The following HTT variants were observed in gnomAD, a reference collection of about 807,000 sequenced individuals.
HTT encodes huntingtin, also known as huntington disease protein.
In HTT, 104 loss-of-function variants were observed where a neutral mutation model predicts 362.3. That is an observed-to-expected ratio of 0.29 (90% confidence interval 0.24 to 0.34). The LOEUF (loss-of-function observed/expected upper bound fraction) is 0.34. HTT is among the 10% of genes least tolerant of loss of function. The pLI is 1.00. For synonymous variants in HTT, 1,577 were observed against 1,548.7 expected, an observed-to-expected ratio of 1.02 and a Z score of -0.43; for missense variants, 3,301 against 3,928.6, an observed-to-expected ratio of 0.84 and a Z score of 4.27.
Position 3,241,898 on chromosome 4 carries a change from A to G in HTT, c.*1839A>G, listed in dbSNP as rs1411576186. On this transcript the variant is annotated 3_prime_UTR_variant, in exon 67 of 67. Coordinates refer to ENST00000355072, the MANE Select transcript of HTT (RefSeq NM_001388492.1). Reference sequence around the variant, plus strand: ...GCGGTAGAAAGGGGTCCGATGTTTGAGGAGGCCCTTAAGGGAAGCTACTGA... The same window carrying G: ...GCGGTAGAAAGGGGTCCGATGTTTGGGGAGGCCCTTAAGGGAAGCTACTGA... 6.6e-6 allele frequency: 1 copy of G among 152,060 alleles called. No individual in the cohort carries two copies. The highest frequency in any genetic ancestry group is 1.5e-5 in the Non-Finnish European group (1 of 68,018). 9.4% of individuals were successfully genotyped at this position (152,060 alleles called of 1,614,324 possible).
intron 64 of HTT, among the ~76,000 whole-genome samples, chr4:3,236,526 G>A (rs908736330): frequency 7.9e-5 from 12 of 152,126 alleles, no homozygotes; most frequent in Middle Eastern, 3.2e-3. Flanking sequence ...ACAGTACCTG[G>A]CAGTTGGGGG....
At chr4:3,190,985 T>G (rs1031604698) in intron 40 of HTT, among the ~76,000 whole-genome samples, 1 of 152,198 alleles carries the variant, frequency 6.6e-6, no homozygotes, top group Admixed American at 6.5e-5. Flanking sequence ...AAAATGTGGC[T>G]TGATTGTTCA....
At chr4:3,196,545 C>T (rs1719265437) in intron 40 of HTT, among the ~76,000 whole-genome samples, 1 of 152,118 alleles carries the variant, frequency 6.6e-6, no homozygotes, top group African/African-American at 2.4e-5. Flanking sequence ...TGAGATTAGC[C>T]TGAGCAACAT....
At chr4:3,217,572 C>T (rs1720472307) in intron 51 of HTT, among the ~76,000 whole-genome samples, 193 bp from the exon 52 acceptor site, 1 of 152,212 alleles carries the variant, frequency 6.6e-6, no homozygotes. Flanking sequence ...CCAGCAATCC[C>T]AGCAGAAAAT....
rs771562913 is a variant in HTT at position 3,131,630 on chromosome 4, C to G, written c.2099-8C>G. 15 of 1,611,088 alleles carry G rather than the reference C, an allele frequency of 9.3e-6. No individual in the cohort carries two copies. In the South Asian group the frequency reaches 1.7e-4, roughly 18 times the overall value. On this transcript the variant is annotated splice_region_variant and splice_polypyrimidine_tract_variant and intron_variant, in intron 15 of 66. Transcript: ENST00000355072. Reference sequence around the variant, plus strand: ...AGGCTGAAGGTGGCTTGGGTGATTTCTTGGCAGTGCTGGTTCCGGACAGGG... The same window carrying G: ...AGGCTGAAGGTGGCTTGGGTGATTTGTTGGCAGTGCTGGTTCCGGACAGGG...
At chr4:3,169,721 G>A (rs556926679) in intron 29 of HTT, among the ~76,000 whole-genome samples, 20 of 151,972 alleles carry the variant, frequency 1.3e-4, no homozygotes, top group Non-Finnish European at 2.2e-4. Context: ...CTATAGGCAC[G>A]TGCCACCACA....
At position 3,129,938 on chromosome 4, in the gene HTT, C is replaced by T. The variant is rs372467345; in HGVS notation, c.1758C>T (p.Thr586=). The change falls in exon 13 of 67, where the codon ACC becomes ACT. Residue 586 remains threonine, a synonymous_variant. Transcript: ENST00000355072. ...GAACCGTTTAGGTGTTAGACGGTAC[C>T]GACAACCAGTATTTGGGCCTGCAGA... ...SDSSEIVLDG[T]DNQYLGLQIG... 50 of 1,613,886 alleles carry T rather than the reference C, an allele frequency of 3.1e-5. No individual in the cohort carries two copies. Among genetic ancestry groups the T allele is most frequent in the Admixed American group, 1.2e-4 (7 of 59,990 alleles).
chr4:3,122,789 T>G lies in HTT; in HGVS notation c.1274-100T>G. ...TTCCTGTGGAAAAACGTTCACATTT[T>G]CTCTAGTTTTAAAGTTGAATCAAGC... On this transcript the variant is annotated intron_variant, in intron 9 of 66. Coordinates refer to ENST00000355072, the MANE Select transcript of HTT (RefSeq NM_001388492.1). 1.6e-5 allele frequency: 14 copies of G among 892,308 alleles called. 1 individual carries two copies. The allele number at this position is 892,308 out of a possible 1,614,324, so 55.3% of individuals were successfully genotyped here.
intron 8 of HTT, among the ~76,000 whole-genome samples, chr4:3,117,725 T>C (rs573466413): frequency 1.3e-4 from 20 of 151,894 alleles, no homozygotes; most frequent in Non-Finnish European, 2.9e-4. Context: ...CCCAGCTACT[T>C]GGGAGGCTGA....
chr4:3,081,546 A>ATTTC (rs1578481736), intron 1 of HTT, among the ~76,000 whole-genome samples: 1 of 119,450 alleles, frequency 8.4e-6, no homozygotes, highest in East Asian at 2.3e-4. Context: ...TTTGGAAAGC[A>ATTTC]TTTCTTTTTT....
At chr4:3,229,380 C>G (rs542998866) in intron 59 of HTT, among the ~76,000 whole-genome samples, 2 of 149,040 alleles carry the variant, frequency 1.3e-5, no homozygotes, top group Non-Finnish European at 3.0e-5. Flanking sequence ...ACACATGCCA[C>G]GTGCACACAC....
rs552842809 is a variant in HTT, at chr4:3,076,925, C to T, written c.263+1837C>T. Among the ~76,000 whole-genome samples the T allele has an allele frequency of 2.0e-5, 3 of 152,228 alleles. No individual in the cohort carries two copies. In the South Asian group the frequency reaches 6.2e-4, roughly 32 times the overall value. ...TGGCAAGGTGGCTTACACCTTTAAT[C>T]CGAGCACTTTGGGAGGCCTAGGTGG... On this transcript the variant is annotated intron_variant, in intron 1 of 66. Coordinates refer to ENST00000355072, the MANE Select transcript of HTT (RefSeq NM_001388492.1).
intron 1 of HTT, 104 bp downstream of exon 1, chr4:3,075,192 C>G (rs1017951371): frequency 9.3e-6 from 10 of 1,080,004 alleles, no homozygotes; most frequent in Non-Finnish European, 1.2e-5. Flanking sequence ...AACCCCCGGC[C>G]CCGCAGAGAC....
chr4:3,159,012 C>T (rs188525344), intron 28 of HTT, among the ~76,000 whole-genome samples: 165 of 152,306 alleles, frequency 1.1e-3, no homozygotes, highest in Admixed American at 2.1e-3. Context: ...GTCATCCCCG[C>T]GGTCAGCTCC....
At chr4:3,232,923 C>G (rs1721329465) in intron 60 of HTT, among the ~76,000 whole-genome samples, 1 of 152,262 alleles carries the variant, frequency 6.6e-6, no homozygotes, top group South Asian at 2.1e-4. Context: ...AGCACCAACC[C>G]TGGTGCCCAC....
At chr4:3,194,204 T>G (rs1049825970) in intron 40 of HTT, among the ~76,000 whole-genome samples, 3 of 152,174 alleles carry the variant, frequency 2.0e-5, no homozygotes, top group African/African-American at 7.2e-5. Context: ...CGTGGGTACT[T>G]CTTAAATAAT....
chr4:3,222,665 G>T (rs571761839), intron 54 of HTT, among the ~76,000 whole-genome samples, 178 bp downstream of exon 54: 1 of 152,360 alleles, frequency 6.6e-6, no homozygotes, highest in East Asian at 1.9e-4. Context: ...GCCTGCTGAG[G>T]TCTGGGGGCT....
chr4:3,235,453 T>C, intron 62 of HTT, 55 bp downstream of exon 62: 8 of 1,508,862 alleles, frequency 5.3e-6, no homozygotes, highest in Non-Finnish European at 7.4e-6. Flanking sequence ...TTCCCTTCTC[T>C]TTTCCTTGCA....
At chr4:3,105,245 G>C (rs193132977) in intron 4 of HTT, 112 bp from the exon 5 acceptor site, 2 of 706,804 alleles carry the variant, frequency 2.8e-6, no homozygotes, top group Non-Finnish European at 5.0e-6. Context: ...CATTTAAATG[G>C]CCTTTTCTCT....
Sources: gnomAD v4.1 joint callset for allele counts (sites outside exome capture counted in the v4.1 genomes callset) on GRCh38, gnomAD v4.1.1 for gene constraint, MANE v1.5 for transcripts, NCBI Gene and HGNC (gene_info 2026-07-23, HGNC 2026-07-21) for gene names.